The following DDX10 variants were observed in gnomAD, a reference collection of about 807,000 sequenced individuals.
DDX10 encodes the protein probable ATP-dependent RNA helicase DDX10.
Under a neutral mutation model 104.3 loss-of-function variants are expected in DDX10, and 74 were observed. The observed-to-expected ratio is 0.71, with a 90% CI of 0.59 to 0.86. The LOEUF (loss-of-function observed/expected upper bound fraction) is 0.86. Ranked by LOEUF, DDX10 falls within the 40% of genes least tolerant of loss-of-function variation. DDX10 has a pLI of 0.00. For synonymous variants in DDX10, 351 were observed against 353.4 expected (o/e 0.99, Z 0.08); for missense variants, 952 against 1,040.0 (o/e 0.92, Z 1.16).
At chr11:108,819,301 T>C (rs1862294530) in intron 13 of DDX10, among the ~76,000 whole-genome samples, 1 of 152,192 alleles carries the variant, frequency 6.6e-6, no homozygotes, top group Admixed American at 6.5e-5. Context: ...ACTATTGTCT[T>C]TTTCCTAGAG....
intron 13 of DDX10, among the ~76,000 whole-genome samples, chr11:108,816,125 C>T (rs1313816289): frequency 6.6e-6 from 1 of 152,044 alleles, no homozygotes; most frequent in Non-Finnish European, 1.5e-5. Context: ...CCAGCTTTCA[C>T]TGGTTGTTCT....
At chr11:108,840,052 C>T (rs573530747) in intron 14 of DDX10, among the ~76,000 whole-genome samples, 7 of 152,246 alleles carry the variant, frequency 4.6e-5, no homozygotes, top group Admixed American at 2.0e-4. Context: ...AAAGAAATGC[C>T]ACTATATATA....
At chr11:108,697,273 T>C (rs2094261325) in intron 9 of DDX10, among the ~76,000 whole-genome samples, 2 of 151,346 alleles carry the variant, frequency 1.3e-5, no homozygotes, top group South Asian at 4.2e-4. Context: ...AATAATGGGC[T>C]TAAAGATAAT....
At chr11:108,839,750 C>G (rs1862610688) in intron 14 of DDX10, among the ~76,000 whole-genome samples, 1 of 152,132 alleles carries the variant, frequency 6.6e-6, no homozygotes, top group Admixed American at 6.5e-5. Context: ...GGAAGCGTAT[C>G]TAAATGACAG....
intron 16 of DDX10, among the ~76,000 whole-genome samples, chr11:108,858,149 T>C (rs1270916945): frequency 4.6e-5 from 7 of 152,222 alleles, no homozygotes; most frequent in Non-Finnish European, 1.0e-4. Context: ...TTATACATGT[T>C]TTCCCTCTGC....
chr11:108,690,032 A>T (rs915539911), intron 7 of DDX10, among the ~76,000 whole-genome samples: 7 of 151,538 alleles, frequency 4.6e-5, no homozygotes, highest in Non-Finnish European at 1.0e-4. Flanking sequence ...CTTGGGCAAG[A>T]TGGCGACACC....
chr11:108,877,138 A>G (rs1272296518), intron 16 of DDX10, among the ~76,000 whole-genome samples: 1 of 152,236 alleles, frequency 6.6e-6, no homozygotes. Context: ...TGAAAAGCAA[A>G]AATGGATGAA....
Position 108,870,426 on chromosome 11 carries a change from A to G in DDX10, c.2304+18217A>G, listed in dbSNP as rs146294239. 3.4e-4 allele frequency among the ~76,000 whole-genome samples: 52 copies of G among 152,292 alleles called. No homozygotes were observed. The East Asian group carries it at 9.7e-3, about 28-fold the overall frequency. On this transcript the variant is annotated intron_variant, in intron 16 of 17. Coordinates refer to ENST00000322536, the MANE Select transcript of DDX10 (RefSeq NM_004398.4). ...TGTCTACTTTGTCACAAAAGCTACA[A>G]AGTTCACATGTGATCTAGCTTCCAG...
intron 17 of DDX10, among the ~76,000 whole-genome samples, chr11:108,930,767 T>C (rs1198669418): frequency 1.3e-5 from 2 of 152,220 alleles, no homozygotes; most frequent in Non-Finnish European, 2.9e-5. Flanking sequence ...ATATGCTTTG[T>C]CTTTTCAGAT....
Position 108,699,652 on chromosome 11 carries a change from A to T in DDX10, c.1223+6052A>T, listed in dbSNP as rs944382322. 7.2e-5 allele frequency among the ~76,000 whole-genome samples: 11 copies of T among 152,204 alleles called. No homozygotes were observed. The East Asian group carries it at 1.9e-3, about 27-fold the overall frequency. ...GAAGTCACAGTCCATCTTTCCTGTA[A>T]CATCCTGGGGTTGCATGTCAGTTCT... is the stretch of plus-strand genomic sequence containing the variant. On this transcript the variant is annotated intron_variant, in intron 9 of 17. Transcript: ENST00000322536.
chr11:108,861,959 G>A (rs141244821), intron 16 of DDX10, among the ~76,000 whole-genome samples: 7,249 of 152,096 alleles, frequency 0.048, 193 homozygotes, highest in South Asian at 0.086. Context: ...CTCGGGAGGC[G>A]GAGGTTGCAG....
intron 10 of DDX10, among the ~76,000 whole-genome samples, chr11:108,710,449 ACTT>A (rs886689767): frequency 6.6e-6 from 1 of 151,246 alleles, no homozygotes; most frequent in African/African-American, 2.4e-5. Context: ...TTCCCTTAAA[ACTT>A]TTTTTTTTTT....
At chr11:108,784,219 ATATC>A (rs1168024281) in intron 13 of DDX10, among the ~76,000 whole-genome samples, 1 of 152,196 alleles carries the variant, frequency 6.6e-6, no homozygotes. Context: ...GTTCTTTGAG[ATATC>A]TCCAAACTGC....
chr11:108,846,684 CA>C (rs1273230459), intron 15 of DDX10, among the ~76,000 whole-genome samples: 1 of 152,184 alleles, frequency 6.6e-6, no homozygotes, highest in African/African-American at 2.4e-5. Flanking sequence ...TGTTGATGGG[CA>C]CTTCAGTTTT....
chr11:108,765,864 T>C (rs1166404893), intron 13 of DDX10, among the ~76,000 whole-genome samples: 1 of 152,216 alleles, frequency 6.6e-6, no homozygotes, highest in Non-Finnish European at 1.5e-5. Context: ...TAGGTGTTAC[T>C]GTAAAGAACC....
At chr11:108,779,014 A>G (rs1031987405) in intron 13 of DDX10, among the ~76,000 whole-genome samples, 1 of 152,206 alleles carries the variant, frequency 6.6e-6, no homozygotes, top group Admixed American at 6.5e-5. Flanking sequence ...TTAGAATGGC[A>G]ATCATTAAAA....
intron 13 of DDX10, among the ~76,000 whole-genome samples, chr11:108,763,398 A>G (rs907100862): frequency 1.3e-5 from 2 of 152,192 alleles, no homozygotes; most frequent in Admixed American, 1.3e-4. Context: ...AAACCTATCC[A>G]AAAGGTATTC....
At chr11:108,791,625 A>C (rs749205092) in intron 13 of DDX10, among the ~76,000 whole-genome samples, 3 of 152,108 alleles carry the variant, frequency 2.0e-5, no homozygotes, top group Non-Finnish European at 4.4e-5. Context: ...TTCTGTCACC[A>C]TCCTCAGCCC....
intron 16 of DDX10, among the ~76,000 whole-genome samples, chr11:108,863,136 A>G (rs1306432439): frequency 6.6e-6 from 1 of 152,176 alleles, no homozygotes; most frequent in Admixed American, 6.5e-5. Context: ...CACCATCTAC[A>G]GTCTAAAGGT....
Sources: gnomAD v4.1 joint callset for allele counts (sites outside exome capture counted in the v4.1 genomes callset) on GRCh38, gnomAD v4.1.1 for gene constraint, MANE v1.5 for transcripts, NCBI Gene and HGNC (gene_info 2026-07-23, HGNC 2026-07-21) for gene names.